LLGL2: variants seen among roughly 807,000 people sequenced by gnomAD.
LLGL2 encodes LLGL scribble cell polarity complex component 2.
Under a neutral mutation model 123.2 loss-of-function variants are expected in LLGL2, and 81 were observed. The ratio of observed to expected loss-of-function variants is 0.66; its 90% CI spans 0.55 to 0.79. The LOEUF (loss-of-function observed/expected upper bound fraction) is 0.79. Among genes scored for constraint, LLGL2 ranks in the 30% least tolerant of loss-of-function variants. The pLI is 0.00. For missense variants in LLGL2, 1,273 were observed against 1,414.6 expected (o/e 0.90, Z 1.61); for synonymous variants, 577 against 594.1 (o/e 0.97, Z 0.42).
intron 2 of LLGL2, among the ~76,000 whole-genome samples, chr17:75,545,181 G>A (rs2054369694): frequency 6.6e-6 from 1 of 152,106 alleles, no homozygotes; most frequent in African/African-American, 2.4e-5. Flanking sequence ...GCTGGGGCAA[G>A]GAGTTGTCCC....
intron 2 of LLGL2, among the ~76,000 whole-genome samples, chr17:75,551,429 G>A (rs1345776657): frequency 6.8e-6 from 1 of 147,412 alleles, no homozygotes; most frequent in Non-Finnish European, 1.5e-5. Context: ...GGGATACAAA[G>A]CTTAGTGGGT....
Position 75,570,107 on chromosome 17 carries a change from G to A in LLGL2, c.1726G>A (p.Gly576Ser). 1.9e-6 allele frequency: 3 copies of A among 1,606,948 alleles called. No homozygotes were observed. The highest frequency in any genetic ancestry group is 1.3e-5 in the African/African-American group (1 of 74,964). ...ARSGPVRFEP[G>S]FQPFVLVQCQ... ...CTCAGGGCCCGTGCGCTTTGAGCCT[G>A]GCTTTCAGCCCTTCGTGTTGGTGCA... The change falls in exon 15 of 26, where the codon GGC becomes AGC. Residue 576 changes from glycine to serine, a missense_variant. Gly to Ser is a moderately conservative substitution (Grantham distance 56). Coordinates refer to ENST00000392550, the MANE Select transcript of LLGL2 (RefSeq NM_001031803.2).
At position 75,563,478 on chromosome 17, in the gene LLGL2, C is replaced by T. The variant is rs536330043; in HGVS notation, c.826+15C>T. The stretch of plus-strand genomic sequence containing the variant: ...CGTGCCTTACGGTCAGTGTTTCACC[C>T]GCCGGGCAGGGCCCACCCCCAGTGC... On this transcript the variant is annotated intron_variant, in intron 8 of 25. Transcript: ENST00000392550. 44 of 1,611,256 alleles carry T rather than the reference C, an allele frequency of 2.7e-5. No individual in the cohort carries two copies. Among genetic ancestry groups the T allele is most frequent in the South Asian group, 9.9e-5 (9 of 90,994 alleles).
At chr17:75,535,585 G>A (rs1348400394) in intron 1 of LLGL2, among the ~76,000 whole-genome samples, 1 of 152,250 alleles carries the variant, frequency 6.6e-6, no homozygotes, top group Admixed American at 6.5e-5. Context: ...GGACAAATTA[G>A]CCCAGGTGCC....
Position 75,575,176 on chromosome 17 carries a change from A to G in LLGL2, c.*298A>G. 1 of 552,232 alleles carries G rather than the reference A, an allele frequency of 1.8e-6. No individual in the cohort carries two copies. Among genetic ancestry groups the G allele is most frequent in the South Asian group, 2.4e-5 (1 of 42,386 alleles). The allele number at this position is 552,232 out of a possible 1,614,324, so 34.2% of individuals were successfully genotyped here. ...TATAAATGTTAACTGCCTCTGGGTGAAAAAGTTTTTAATAAACACCTATTA... is the reference window on the plus strand; with the variant it reads ...TATAAATGTTAACTGCCTCTGGGTGGAAAAGTTTTTAATAAACACCTATTA... On this transcript the variant is annotated 3_prime_UTR_variant, in exon 26 of 26. Transcript: ENST00000392550.
intron 1 of LLGL2, among the ~76,000 whole-genome samples, chr17:75,535,593 G>GC (rs2053971227): frequency 1.3e-5 from 2 of 152,248 alleles, no homozygotes; most frequent in Non-Finnish European, 2.9e-5. Context: ...TAGCCCAGGT[G>GC]CCCCAAACAG....
In LLGL2 at chr17:75,558,717, G is replaced by T. The variant is rs1320779046; in HGVS notation, c.371+90G>T. ...AGTGGACTCACCCTTTGTGAGGCCT[G>T]TTGCGCCCCTGGCAGTGACTGGCAT... On this transcript the variant is annotated intron_variant, in intron 5 of 25. Coordinates refer to ENST00000392550, the MANE Select transcript of LLGL2 (RefSeq NM_001031803.2). The surrounding 1 kb of genome is among the most constrained non-coding windows in gnomAD (Gnocchi z 4.0). 2 of 1,022,330 alleles carry T rather than the reference G, an allele frequency of 2.0e-6. No homozygotes were observed. The highest frequency in any genetic ancestry group is 3.2e-5 in the African/African-American group (2 of 62,898). 63.3% of individuals were successfully genotyped at this position (1,022,330 alleles called of 1,614,324 possible).
At chr17:75,541,275 C>A (rs1339063908) in intron 1 of LLGL2, among the ~76,000 whole-genome samples, 6 of 152,360 alleles carry the variant, frequency 3.9e-5, no homozygotes, top group Admixed American at 6.5e-5. Context: ...GAGCCCCCAC[C>A]AAGCTTCCTC....
At chr17:75,532,077 C>CACACACACACACACACTTT (rs58220046) in intron 1 of LLGL2, among the ~76,000 whole-genome samples, 1 of 83,992 alleles carries the variant, frequency 1.2e-5, no homozygotes, top group African/African-American at 3.9e-5. Flanking sequence ...CACACACACA[C>CACACACACACACACACTTT]TTTTTTTTTT....
At position 75,544,723 on chromosome 17, in the gene LLGL2, C is replaced by T. The variant is rs150727522; in HGVS notation, c.75+1222C>T. Among the ~76,000 whole-genome samples the T allele has an allele frequency of 3.9e-5, 6 of 152,140 alleles. No homozygotes were observed. Among genetic ancestry groups the T allele is most frequent in the East Asian group, 1.9e-4 (1 of 5,170 alleles). ...GGTGGAGGGACCTCCCTGACCTCCC[C>T]GTTGGGAGAGGTGGGTCAGCGCTCC... On this transcript the variant is annotated intron_variant, in intron 2 of 25. Transcript: ENST00000392550. The surrounding 1 kb of genome is among the most constrained non-coding windows in gnomAD (Gnocchi z 4.2).
At chr17:75,548,337 G>A (rs2054521558) in intron 2 of LLGL2, among the ~76,000 whole-genome samples, 1 of 149,688 alleles carries the variant, frequency 6.7e-6, no homozygotes, top group Non-Finnish European at 1.5e-5. Context: ...GAGTGCAATG[G>A]TACCATCTCA....
intron 1 of LLGL2, among the ~76,000 whole-genome samples, chr17:75,530,334 C>A (rs2053731303): frequency 6.6e-6 from 1 of 152,132 alleles, no homozygotes; most frequent in South Asian, 2.1e-4. Flanking sequence ...GATCGCGTCT[C>A]TACAAAAATT....
chr17:75,573,473 C>T lies in LLGL2; in HGVS notation c.2726-8C>T, dbSNP rs1368921728. On this transcript the variant is annotated splice_polypyrimidine_tract_variant and splice_region_variant and intron_variant, in intron 20 of 25. Coordinates refer to ENST00000392550, the MANE Select transcript of LLGL2 (RefSeq NM_001031803.2). ...GGCCAGGCCGCTAGCATTGCCCCCA[C>T]TCCCCAGGCTTCTACCTGATCTCAC... 18 of 1,598,776 alleles carry T rather than the reference C, an allele frequency of 1.1e-5. No homozygotes were observed. Among genetic ancestry groups the T allele is most frequent in the Non-Finnish European group, 1.5e-5 (18 of 1,168,270 alleles).
intron 10 of LLGL2, among the ~76,000 whole-genome samples, chr17:75,567,059 C>T (rs188525891): frequency 8.1e-4 from 124 of 152,280 alleles, no homozygotes; most frequent in African/African-American, 2.7e-3. Flanking sequence ...CAGCTGAGCC[C>T]GGGCACCCTC....
intron 2 of LLGL2, among the ~76,000 whole-genome samples, chr17:75,547,033 C>T (rs1324513494): frequency 3.3e-5 from 5 of 152,176 alleles, no homozygotes; most frequent in African/African-American, 1.2e-4. Flanking sequence ...GGGACAGTGG[C>T]GCCATCACAG....
In LLGL2 at chr17:75,574,858, C is replaced by T. The variant is rs1568084328; in HGVS notation, c.3056-13C>T. On this transcript the variant is annotated splice_polypyrimidine_tract_variant and intron_variant, in intron 25 of 25. Coordinates refer to ENST00000392550, the MANE Select transcript of LLGL2 (RefSeq NM_001031803.2). ...CCCAGGGTGATCTTGAGCTGTCCCT[C>T]TGTGTCCTTCAGCAGAGTGAGTGGC... The T allele has an allele frequency of 3.1e-6, 5 of 1,614,048 alleles. No individual in the cohort carries two copies. The South Asian group carries it at 4.4e-5, about 14-fold the overall frequency.
chr17:75,530,553 G>A (rs2053742187), intron 1 of LLGL2, among the ~76,000 whole-genome samples: 1 of 151,978 alleles, frequency 6.6e-6, no homozygotes, highest in Non-Finnish European at 1.5e-5. Flanking sequence ...GGGAGGCTGA[G>A]GCAGGAGAAT....
chr17:75,563,413 T>C lies in LLGL2; in HGVS notation c.776T>C (p.Val259Ala). Reference protein sequence around the residue: ...HSDGSYCQWPVSSEAQQPEPL... With the variant: ...HSDGSYCQWPASSEAQQPEPL... The stretch of plus-strand genomic sequence containing the variant: ...GACGGCAGCTACTGCCAGTGGCCCG[T>C]GTCCAGCGAAGCCCAGCAACCAGAG... The change falls in exon 8 of 26, where the codon GTG (valine) becomes GCG (alanine). Residue 259 changes from valine (V) to alanine (A), a missense_variant. Physicochemically the swap from Val to Ala is moderately conservative, Grantham distance 64 (BLOSUM62 0). Transcript: ENST00000392550. The C allele has an allele frequency of 6.2e-7, 1 of 1,612,870 alleles. No homozygotes were observed. The highest frequency in any genetic ancestry group is 8.5e-7 in the Non-Finnish European group (1 of 1,180,020).
rs1568052331 is a variant in LLGL2, at chr17:75,558,921, ACCCCACCTCCT to A, written c.371+297_371+307del. 748 of 298,268 alleles carry A rather than the reference ACCCCACCTCCT, an allele frequency of 2.5e-3. 1 individual carries two copies. Among genetic ancestry groups the A allele is most frequent in the South Asian group, 5.3e-3 (144 of 27,386 alleles). 18.5% of individuals were successfully genotyped at this position (298,268 alleles called of 1,614,324 possible). On this transcript the variant is annotated intron_variant, in intron 5 of 25. Transcript: ENST00000392550. The surrounding 1 kb of genome is among the most constrained non-coding windows in gnomAD (Gnocchi z 4.0). ...TCCACACCACGCCTCCTCCATCCGC[ACCCCACCTCCT>A]CCATCCGCACCCCGCCTCCTCCATC...
Sources: gnomAD v4.1 joint callset for allele counts (sites outside exome capture counted in the v4.1 genomes callset) on GRCh38, gnomAD v4.1.1 for gene constraint, Gnocchi (gnomAD v3.1) non-coding constraint, MANE v1.5 for transcripts, NCBI Gene and HGNC (gene_info 2026-07-23, HGNC 2026-07-21) for gene names.